The following LINC00305 variants were observed in gnomAD, a reference collection of about 807,000 sequenced individuals.
LINC00305 encodes the protein long intergenic non-protein coding RNA 305.
intron 1 of LINC00305, among the ~76,000 whole-genome samples, chr18:64,129,293 C>T (rs1284532258): frequency 6.6e-6 from 1 of 152,044 alleles, no homozygotes; most frequent in Non-Finnish European, 1.5e-5. Context: ...GTCTGTCTTT[C>T]CTCTTAAATG....
intron 1 of LINC00305, among the ~76,000 whole-genome samples, chr18:64,102,083 C>T (rs1012061149): frequency 2.0e-5 from 3 of 152,172 alleles, no homozygotes; most frequent in Admixed American, 2.0e-4. Context: ...ATCCTGTGTT[C>T]CGATGCCCCC....
intron 1 of LINC00305, among the ~76,000 whole-genome samples, chr18:64,116,490 G>A (rs912076055): frequency 6.6e-6 from 1 of 152,066 alleles, no homozygotes; most frequent in African/African-American, 2.4e-5. Context: ...TTCTGCAAAC[G>A]TGATGTTAGT....
intron 1 of LINC00305, among the ~76,000 whole-genome samples, chr18:64,102,773 G>T (rs2051272720): frequency 1.3e-5 from 2 of 152,170 alleles, no homozygotes; most frequent in African/African-American, 4.8e-5. Flanking sequence ...AAGAGAGAGA[G>T]TGGGGAGATA....
chr18:64,087,845 A>T (rs774485495), intron 3 of LINC00305, among the ~76,000 whole-genome samples: 1 of 151,972 alleles, frequency 6.6e-6, no homozygotes, highest in Non-Finnish European at 1.5e-5. Flanking sequence ...TAATCCCAGC[A>T]CTTTGGGAGG....
intron 1 of LINC00305, among the ~76,000 whole-genome samples, chr18:64,143,617 C>CACATATGTATATGTACATATGTAT (rs1568120145): frequency 0.043 from 4,993 of 114,968 alleles, 999 homozygotes; most frequent in Non-Finnish European, 0.058. Context: ...TACATATGTA[C>CACATATGTATATGTACATATGTAT]ACATATGTAT....
At chr18:64,129,740 T>A (rs2051400934) in intron 1 of LINC00305, among the ~76,000 whole-genome samples, 1 of 152,168 alleles carries the variant, frequency 6.6e-6, no homozygotes, top group African/African-American at 2.4e-5. Context: ...TATGTGATAT[T>A]TACTTAGTTC....
intron 1 of LINC00305, among the ~76,000 whole-genome samples, chr18:64,122,977 A>G (rs1379990407): frequency 1.3e-5 from 2 of 151,684 alleles, no homozygotes; most frequent in East Asian, 1.9e-4. Context: ...TGTCTTCTTG[A>G]TTTGGTTCTC....
At chr18:64,117,453 T>C (rs2051342736) in intron 1 of LINC00305, among the ~76,000 whole-genome samples, 1 of 152,110 alleles carries the variant, frequency 6.6e-6, no homozygotes, top group Non-Finnish European at 1.5e-5. Flanking sequence ...TCAAAATTCA[T>C]TTCAGGTGGC....
intron 1 of LINC00305, among the ~76,000 whole-genome samples, chr18:64,105,649 A>C (rs545787170): frequency 6.6e-6 from 1 of 152,162 alleles, no homozygotes; most frequent in Admixed American, 6.6e-5. Context: ...ACACTATGGT[A>C]ATGGTATGGG....
Position 64,135,362 on chromosome 18 carries a change from C to T in LINC00305, n.314+13413G>A, listed in dbSNP as rs562351320. ...GCACAGTTTAACCCATAATGACATC[C>T]GACTTCTTTCTTTTCAGCTTGAACA... On this transcript the variant is annotated intron_variant and non_coding_transcript_variant, in intron 1 of 3. Coordinates refer to ENST00000666468, the Ensembl canonical transcript of LINC00305. 6.6e-5 allele frequency among the ~76,000 whole-genome samples: 10 copies of T among 152,150 alleles called. No homozygotes were observed. The South Asian group carries it at 1.2e-3, about 19-fold the overall frequency.
chr18:64,112,672 A>G (rs561352050), intron 1 of LINC00305, among the ~76,000 whole-genome samples: 15 of 152,196 alleles, frequency 9.9e-5, no homozygotes, highest in Admixed American at 8.5e-4. Flanking sequence ...TCATTGTTTT[A>G]TAAATATTTA....
intron 3 of LINC00305, among the ~76,000 whole-genome samples, chr18:64,081,124 A>AT (rs1046496519): frequency 1.7e-4 from 26 of 152,128 alleles, no homozygotes; most frequent in Admixed American, 3.3e-4. Context: ...GAGTTGTTTT[A>AT]TTTTTTCCTG....
chr18:64,110,302 G>C (rs1332315928), intron 1 of LINC00305, among the ~76,000 whole-genome samples: 1 of 152,164 alleles, frequency 6.6e-6, no homozygotes, highest in Non-Finnish European at 1.5e-5. Context: ...AAGAATATCT[G>C]CTTATTAGTT....
rs138973130 is a variant in LINC00305, at chr18:64,080,266, T to A, written n.677A>T. The A allele has an allele frequency of 2.0e-3, 917 of 455,958 alleles. 8 individuals are homozygous for A. Among genetic ancestry groups the A allele is most frequent in the African/African-American group, 0.017 (829 of 50,022 alleles). 28.2% of individuals were successfully genotyped at this position (455,958 alleles called of 1,614,324 possible). On this transcript the variant is annotated non_coding_transcript_exon_variant, in exon 4 of 4. Coordinates refer to ENST00000666468, the Ensembl canonical transcript of LINC00305. ...CTGATCTCTCCCTAACTTGTCATCTTCTCTGTTTTCAAAGAAACAGAAAAC... is the reference window on the plus strand; with the variant it reads ...CTGATCTCTCCCTAACTTGTCATCTACTCTGTTTTCAAAGAAACAGAAAAC...
intron 1 of LINC00305, among the ~76,000 whole-genome samples, chr18:64,146,198 A>T (rs971930722): frequency 2.0e-5 from 3 of 152,210 alleles, no homozygotes; most frequent in African/African-American, 7.2e-5. Flanking sequence ...GGATTAAGAA[A>T]GCTTTTTTAG....
Position 64,144,715 on chromosome 18 carries a change from A to G in LINC00305, n.314+4060T>C, listed in dbSNP as rs192490240. Among the ~76,000 whole-genome samples, 43 of 152,224 alleles carry G rather than the reference A, an allele frequency of 2.8e-4. 2 individuals are homozygous for G. The East Asian group carries it at 7.3e-3, about 26-fold the overall frequency. On this transcript the variant is annotated intron_variant and non_coding_transcript_variant, in intron 1 of 3. Transcript: ENST00000666468. Reference sequence around the variant, plus strand: ...AACTACTGCTATGGAATAAAAGATGAAATGCTCCTGATTATTGTAAATACA... The same window carrying G: ...AACTACTGCTATGGAATAAAAGATGGAATGCTCCTGATTATTGTAAATACA...
intron 3 of LINC00305, among the ~76,000 whole-genome samples, chr18:64,081,859 G>T (rs1305050157): frequency 6.6e-6 from 1 of 152,144 alleles, no homozygotes; most frequent in Non-Finnish European, 1.5e-5. Flanking sequence ...ATGACCACAT[G>T]GTTTGGCAAG....
chr18:64,087,465 ATAAT>A (rs887086814), intron 3 of LINC00305, among the ~76,000 whole-genome samples: 5 of 152,328 alleles, frequency 3.3e-5, no homozygotes, highest in Admixed American at 2.6e-4. Flanking sequence ...ATTCCATTTG[ATAAT>A]TAATATTTAG....
intron 1 of LINC00305, among the ~76,000 whole-genome samples, chr18:64,101,013 C>G (rs966572105): frequency 2.0e-5 from 3 of 152,020 alleles, no homozygotes; most frequent in Admixed American, 1.3e-4. Context: ...TTTGAAAGAC[C>G]CTTGGATCCT....
Sources: allele counts gnomAD v4.1 joint callset (sites outside exome capture counted in the v4.1 genomes callset), GRCh38; gene constraint gnomAD v4.1.1; transcripts MANE v1.5; gene names NCBI Gene and HGNC (gene_info 2026-07-23, HGNC 2026-07-21).